Variants in VPS51 observed in about 807,000 individuals in gnomAD.
VPS51 encodes the protein vacuolar protein sorting-associated protein 51 homolog.
VPS51 carries 55 observed loss-of-function variants against 65.1 expected under a neutral mutation model. That is an observed-to-expected ratio of 0.84 (90% CI 0.68 to 1.06). The LOEUF (loss-of-function observed/expected upper bound fraction) is 1.06. Among genes scored for constraint, VPS51 ranks in the 50% least tolerant of loss-of-function variants. VPS51 has a pLI of 0.00. For synonymous variants in VPS51, 473 were observed against 489.5 expected (o/e 0.97, Z 0.44); for missense variants, 943 against 1,101.6 (o/e 0.86, Z 2.04).
At position 65,108,307 on chromosome 11, in the gene VPS51, G is replaced by T. The variant is rs749185476; in HGVS notation, c.836G>T (p.Arg279Leu). ...CEEFLAHARG[R>L]LEKELRNLEA... ...GAGTTCCTGGCGCACGCCCGCGGCC[G>T]GCTGGAGAAGGAGCTGAGAAACCTG... The change falls in exon 5 of 10, where the codon CGG (arginine) becomes CTG (leucine). Residue 279 changes from arginine (R) to leucine (L), a missense_variant. Transcript: ENST00000279281. The T allele has an allele frequency of 6.2e-7, 1 of 1,607,810 alleles. No individual in the cohort carries two copies. The highest frequency in any genetic ancestry group is 1.1e-5 in the South Asian group (1 of 90,358).
At chr11:65,100,342 A>G (rs1470777731) in intron 2 of VPS51, among the ~76,000 whole-genome samples, 2 of 152,192 alleles carry the variant, frequency 1.3e-5, no homozygotes, top group African/African-American at 2.4e-5. Flanking sequence ...CAGCATCATT[A>G]GGTCTTAGGG....
chr11:65,096,278 A>G lies in VPS51; in HGVS notation c.28A>G (p.Ser10Gly). Residue 10 changes from serine to glycine, a missense_variant, in exon 1 of 10, where the codon AGC (serine) becomes GGC (glycine). Transcript: ENST00000279281. The part of the protein sequence containing the change: MAAAAAAGP[S>G]PGSGPGDSPE... ...GGCGGCGGCAGCTGCCGCCGGGCCTAGCCCGGGGTCTGGACCTGGGGACTC... is the reference window on the plus strand; with the variant it reads ...GGCGGCGGCAGCTGCCGCCGGGCCTGGCCCGGGGTCTGGACCTGGGGACTC... 6.6e-7 allele frequency: 1 copy of G among 1,518,216 alleles called. No individual in the cohort carries two copies. The highest frequency in any genetic ancestry group is 1.4e-5 in the African/African-American group (1 of 70,026). The allele number at this position is 1,518,216 out of a possible 1,614,324, so 94.0% of individuals were successfully genotyped here.
chr11:65,109,258 A>G, intron 5 of VPS51, 22 bp from the exon 6 acceptor site: 1 of 1,603,400 alleles, frequency 6.2e-7, no homozygotes, highest in Non-Finnish European at 8.5e-7. Context: ...CCTGCTGTGG[A>G]CCTGGGCACC....
chr11:65,107,350 G>A lies in VPS51; in HGVS notation c.359-231G>A. ...GAGGGCCGGCTCTCCTGGGCACCAG[G>A]GTTAGGGGGTTACGGGGAGTATGTG... On this transcript the variant is annotated intron_variant, in intron 2 of 9. Transcript: ENST00000279281. The surrounding 1 kb of genome is among the most constrained non-coding windows in gnomAD (Gnocchi z 4.0). 1.6e-6 allele frequency: 1 copy of A among 631,386 alleles called. No homozygotes were observed. Among genetic ancestry groups the A allele is most frequent in the Non-Finnish European group, 2.9e-6 (1 of 349,314 alleles). The allele number at this position is 631,386 out of a possible 1,614,324, so 39.1% of individuals were successfully genotyped here.
At chr11:65,100,720 A>T (rs1947802665) in intron 2 of VPS51, among the ~76,000 whole-genome samples, 1 of 151,672 alleles carries the variant, frequency 6.6e-6, no homozygotes, top group Non-Finnish European at 1.5e-5. Context: ...TATTTTTTGT[A>T]TATTTACTAG....
intron 6 of VPS51, 53 bp downstream of exon 6, chr11:65,109,548 T>C: frequency 1.3e-6 from 2 of 1,590,390 alleles, no homozygotes; most frequent in Non-Finnish European, 8.5e-7. Context: ...GGAATGCAGA[T>C]GGCTGGACAG....
At chr11:65,098,088 G>T (rs1412672963) in intron 2 of VPS51, among the ~76,000 whole-genome samples, 1 of 152,022 alleles carries the variant, frequency 6.6e-6, no homozygotes, top group Non-Finnish European at 1.5e-5. Context: ...AGGCTGAGTG[G>T]GAGAATCACT....
chr11:65,106,182 G>A (rs918008047), intron 2 of VPS51, among the ~76,000 whole-genome samples: 2 of 152,236 alleles, frequency 1.3e-5, no homozygotes, highest in Non-Finnish European at 2.9e-5. Flanking sequence ...GATGATAGTG[G>A]CTTACAAAGA....
Position 65,111,495 on chromosome 11 carries a change from C to G in VPS51, c.2257C>G (p.Leu753Val). The G allele has an allele frequency of 1.9e-6, 3 of 1,613,876 alleles. No homozygotes were observed. Among genetic ancestry groups the G allele is most frequent in the Non-Finnish European group, 2.5e-6 (3 of 1,180,044 alleles). The change falls in exon 10 of 10, where the codon CTG becomes GTG. Residue 753 changes from leucine (L) to valine (V), a missense_variant. Physicochemically the swap from Leu to Val is conservative, Grantham distance 32 (BLOSUM62 1). Coordinates refer to ENST00000279281, the MANE Select transcript of VPS51 (RefSeq NM_013265.4). ...VADEELVHLL[L>V]DEVVASAALR... ...CGACGAAGAACTCGTGCACTTGCTG[C>G]TGGACGAAGTGGTGGCCTCTGCTGC...
At chr11:65,096,611 C>G (rs1947771732) in intron 1 of VPS51, 133 bp downstream of exon 1, 2 of 821,654 alleles carry the variant, frequency 2.4e-6, no homozygotes, top group Non-Finnish European at 3.7e-6. Context: ...AGAGGACGAA[C>G]CTCGGCCAGG....
intron 7 of VPS51, 76 bp from the exon 8 acceptor site, chr11:65,110,406 A>T: frequency 6.2e-7 from 1 of 1,607,626 alleles, no homozygotes; most frequent in Non-Finnish European, 8.5e-7. Flanking sequence ...TAGCTGACTT[A>T]GGGCATCCTC....
At chr11:65,096,802 A>G (rs1257932833) in intron 1 of VPS51, 196 bp from the exon 2 acceptor site, 3 of 809,338 alleles carry the variant, frequency 3.7e-6, no homozygotes, top group African/African-American at 3.5e-5. Flanking sequence ...GCTGACAAAC[A>G]CCAAACACGG....
chr11:65,101,059 G>A (rs768580354), intron 2 of VPS51, among the ~76,000 whole-genome samples: 23 of 152,062 alleles, frequency 1.5e-4, no homozygotes, highest in Non-Finnish European at 1.6e-4. Context: ...ATTCTGTAGC[G>A]AATAGACAAA....
In VPS51 at chr11:65,109,329, T is replaced by C. The variant is rs372048283; in HGVS notation, c.1493T>C (p.Val498Ala). 97 of 1,613,522 alleles carry C rather than the reference T, an allele frequency of 6.0e-5. No individual in the cohort carries two copies. Among genetic ancestry groups the C allele is most frequent in the Non-Finnish European group, 8.1e-5 (95 of 1,179,950 alleles). Residue 498 changes from valine (V) to alanine (A), a missense_variant, in exon 6 of 10, where the codon GTC becomes GCC. Physicochemically the swap from Val to Ala is moderately conservative, Grantham distance 64. Coordinates refer to ENST00000279281, the MANE Select transcript of VPS51 (RefSeq NM_013265.4). Reference sequence around the variant, plus strand: ...CGTGAGGGCCTCATCGTGGGCTTCGTCCACTCTATGTGCCAGACGGCTCAG... The same window carrying C: ...CGTGAGGGCCTCATCGTGGGCTTCGCCCACTCTATGTGCCAGACGGCTCAG... Reference protein sequence around the residue: ...GVREGLIVGFVHSMCQTAQSF... With the variant: ...GVREGLIVGFAHSMCQTAQSF...
Position 65,097,099 on chromosome 11 carries a change from G to A in VPS51, c.330G>A (p.Glu110=), listed in dbSNP as rs1947776466. The A allele has an allele frequency of 1.9e-6, 3 of 1,613,816 alleles. No individual in the cohort carries two copies. The African/African-American group carries it at 4.0e-5, about 22-fold the overall frequency. The change falls in exon 2 of 10, where the codon GAG becomes GAA. Residue 110 remains glutamate, a synonymous_variant. Transcript: ENST00000279281. ...GCGACATGCAGACCCTGGTCTATGA[G>A]AACTACAACAAGTTCATCTCAGCCA... ...LDSDMQTLVY[E]NYNKFISATD...
intron 2 of VPS51, chr11:65,105,446 T>A (rs1214139833): frequency 6.6e-6 from 1 of 151,904 alleles, no homozygotes; most frequent in African/African-American, 2.4e-5. Context: ...GAAAGGTTTG[T>A]ATATATTTTA....
At position 65,096,331 on chromosome 11, in the gene VPS51, G is replaced by T. The variant is rs1476094847; in HGVS notation, c.81G>T (p.Pro27=). The T allele has an allele frequency of 6.6e-7, 1 of 1,513,452 alleles. No homozygotes were observed. The allele number at this position is 1,513,452 out of a possible 1,614,324, so 93.8% of individuals were successfully genotyped here. Residue 27 remains proline (P), a synonymous_variant, in exon 1 of 10, where the codon CCG becomes CCT. Transcript: ENST00000279281. ...CAGAAGGGCCCGAGGGGGAGGCTCCGGAGCGTCGGCGGAAGGCGCACGGGA... is the reference window on the plus strand; with the variant it reads ...CAGAAGGGCCCGAGGGGGAGGCTCCTGAGCGTCGGCGGAAGGCGCACGGGA... ...DSPEGPEGEA[P]ERRRKAHGML...
In VPS51 at chr11:65,102,017, CTT is replaced by C. The variant is rs990847395; in HGVS notation, c.358+4909_358+4910del. ...GTTACAAACTGCTTTTCTTAACAAG[CTT>C]TTTTTTTTTTTTTTTTTTGAGACAG... On this transcript the variant is annotated intron_variant, in intron 2 of 9. Transcript: ENST00000279281. Among the ~76,000 whole-genome samples the C allele has an allele frequency of 5.9e-3, 721 of 121,812 alleles. 4 individuals are homozygous for C. Among genetic ancestry groups the C allele is most frequent in the African/African-American group, 0.021 (667 of 31,062 alleles). 79.9% of individuals were successfully genotyped at this position (121,812 alleles called of 152,430 possible). A position where few individuals can be genotyped will look rare whatever the true frequency, so the allele number is the denominator to read the frequency against.
chr11:65,099,171 G>A (rs1181022435), intron 2 of VPS51, among the ~76,000 whole-genome samples: 1 of 152,164 alleles, frequency 6.6e-6, no homozygotes, highest in Non-Finnish European at 1.5e-5. Flanking sequence ...AGACTTGGGC[G>A]AGACACTCAG....
Sources: allele counts gnomAD v4.1 joint callset (sites outside exome capture counted in the v4.1 genomes callset), GRCh38; gene constraint gnomAD v4.1.1; non-coding constraint Gnocchi (gnomAD v3.1); transcripts MANE v1.5; gene names NCBI Gene and HGNC (gene_info 2026-07-23, HGNC 2026-07-21).